GALNT13: variants seen among roughly 807,000 people sequenced by gnomAD.
GALNT13 encodes the protein polypeptide N-acetylgalactosaminyltransferase 13.
GALNT13 carries 28 observed loss-of-function variants against 64.2 expected under a neutral mutation model. That is an observed-to-expected ratio of 0.44 (90% CI 0.32 to 0.60). The LOEUF (loss-of-function observed/expected upper bound fraction) is 0.60, where lower values mean the gene tolerates loss of function less well. Ranked by LOEUF, GALNT13 falls within the 20% of genes least tolerant of loss-of-function variation. GALNT13 has a pLI of 0.05. For missense variants in GALNT13, 577 were observed against 669.8 expected (o/e 0.86, Z 1.53); for synonymous variants, 214 against 224.6 (o/e 0.95, Z 0.42).
chr2:154,118,163 T>G (rs1288060703), intron 3 of GALNT13, among the ~76,000 whole-genome samples: 1 of 152,164 alleles, frequency 6.6e-6, no homozygotes, highest in Non-Finnish European at 1.5e-5. Flanking sequence ...TCAGTTCTTT[T>G]AATGTTTGTT....
intron 3 of GALNT13, among the ~76,000 whole-genome samples, chr2:154,115,959 C>T (rs1703274055): frequency 6.6e-6 from 1 of 152,124 alleles, no homozygotes; most frequent in African/African-American, 2.4e-5. Context: ...TGAACCTTAC[C>T]TCTAGGAGCC....
chr2:153,703,370 A>G, the GALNT13 span, among the ~76,000 whole-genome samples: 1 of 151,966 alleles, frequency 6.6e-6, no homozygotes, highest in African/African-American at 2.4e-5. Flanking sequence ...AATTTGCTTT[A>G]ATCTTTTATT....
At chr2:153,394,221 T>C in the GALNT13 span, among the ~76,000 whole-genome samples, 1 of 152,204 alleles carries the variant, frequency 6.6e-6, no homozygotes, top group East Asian at 1.9e-4. Context: ...TAGAGTTTGG[T>C]GAGAATTAAA....
chr2:154,130,867 C>A (rs1177996054), intron 3 of GALNT13, among the ~76,000 whole-genome samples: 1 of 152,170 alleles, frequency 6.6e-6, no homozygotes, highest in Non-Finnish European at 1.5e-5. Flanking sequence ...ATGTAAACAG[C>A]TTCTGTAAAA....
At chr2:153,156,845 T>A in the GALNT13 span, among the ~76,000 whole-genome samples, 2 of 152,164 alleles carry the variant, frequency 1.3e-5, no homozygotes, top group African/African-American at 4.8e-5. Flanking sequence ...ACTTTTCTGG[T>A]ATTGATAGAA....
chr2:154,291,108 C>A (rs1692600677), intron 8 of GALNT13, among the ~76,000 whole-genome samples: 1 of 152,092 alleles, frequency 6.6e-6, no homozygotes, highest in African/African-American at 2.4e-5. Flanking sequence ...GAGTAGGTTG[C>A]CGCGGCTGGC....
intron 3 of GALNT13, among the ~76,000 whole-genome samples, chr2:154,079,698 C>T (rs956903706): frequency 3.3e-5 from 5 of 151,432 alleles, no homozygotes; most frequent in Middle Eastern, 3.2e-3. Context: ...AGTGTGATTA[C>T]GAAGTTGCTT....
At chr2:153,491,604 A>G in the GALNT13 span, among the ~76,000 whole-genome samples, 3 of 148,868 alleles carry the variant, frequency 2.0e-5, no homozygotes, top group Non-Finnish European at 4.4e-5. Flanking sequence ...ATATTTATTT[A>G]TTTATTTATT....
the GALNT13 span, among the ~76,000 whole-genome samples, chr2:153,462,619 G>A: frequency 1.3e-5 from 2 of 152,010 alleles, no homozygotes; most frequent in Non-Finnish European, 2.9e-5. Flanking sequence ...ACTGGTGTCA[G>A]GAACCAAAGT....
At chr2:154,252,675 TTAAC>T (rs1205309128) in intron 7 of GALNT13, among the ~76,000 whole-genome samples, 1 of 151,886 alleles carries the variant, frequency 6.6e-6, no homozygotes, top group African/African-American at 2.4e-5. Flanking sequence ...GTATTTCTAA[TTAAC>T]TACCCCAAAT....
chr2:153,748,458 G>A, the GALNT13 span, among the ~76,000 whole-genome samples: 7 of 151,932 alleles, frequency 4.6e-5, no homozygotes, highest in Non-Finnish European at 8.8e-5. Flanking sequence ...CTGTCTTTTG[G>A]ACAAGTCATT....
chr2:153,274,844 G>A, the GALNT13 span, among the ~76,000 whole-genome samples: 2 of 152,174 alleles, frequency 1.3e-5, no homozygotes, highest in African/African-American at 4.8e-5. Flanking sequence ...TCATTTTGTA[G>A]AAGTAGGGTT....
At chr2:153,450,036 G>T in the GALNT13 span, among the ~76,000 whole-genome samples, 7 of 152,166 alleles carry the variant, frequency 4.6e-5, no homozygotes, top group African/African-American at 1.7e-4. Flanking sequence ...GAAAAACCCA[G>T]AGTATGGCTT....
At chr2:153,759,106 T>A in the GALNT13 span, among the ~76,000 whole-genome samples, 4 of 152,206 alleles carry the variant, frequency 2.6e-5, no homozygotes, top group African/African-American at 9.6e-5. Context: ...GATTGTTCAT[T>A]GTTAGTGCAT....
intron 9 of GALNT13, among the ~76,000 whole-genome samples, chr2:154,345,319 C>T (rs1036367973): frequency 1.3e-5 from 2 of 151,978 alleles, no homozygotes; most frequent in Non-Finnish European, 2.9e-5. Flanking sequence ...AGGATTCAAG[C>T]TCACCAAATG....
At chr2:153,721,492 C>T in the GALNT13 span, among the ~76,000 whole-genome samples, 743 of 150,798 alleles carry the variant, frequency 4.9e-3, 4 homozygotes, top group African/African-American at 0.017. Context: ...GGACTAAATT[C>T]TCCAATAAAA....
chr2:153,647,366 C>A, the GALNT13 span, among the ~76,000 whole-genome samples: 1 of 151,984 alleles, frequency 6.6e-6, no homozygotes, highest in African/African-American at 2.4e-5. Flanking sequence ...TGGATATTAG[C>A]CCTTTGTCAG....
At chr2:154,222,315 A>G (rs1333876969) in intron 4 of GALNT13, among the ~76,000 whole-genome samples, 1 of 152,170 alleles carries the variant, frequency 6.6e-6, no homozygotes. Flanking sequence ...AATGAGGCAG[A>G]TCTTTGAAAT....
intron 2 of GALNT13, among the ~76,000 whole-genome samples, chr2:153,938,163 A>G (rs1691082178): frequency 6.6e-6 from 1 of 152,156 alleles, no homozygotes; most frequent in African/African-American, 2.4e-5. Context: ...TGAATATGTG[A>G]GGGTAGAGGG....
Sources: gnomAD v4.1 joint callset for allele counts (sites outside exome capture counted in the v4.1 genomes callset) on GRCh38, gnomAD v4.1.1 for gene constraint, MANE v1.5 for transcripts, NCBI Gene and HGNC (gene_info 2026-07-23, HGNC 2026-07-21) for gene names.